The following KCNQ1OT1 variants were observed in gnomAD, a reference collection of about 807,000 sequenced individuals.
The protein encoded by KCNQ1OT1 is KCNQ1 antisense RNA 2 (non-protein coding).
chr11:2,632,071 T>A (rs766163806), exon 1 of KCNQ1OT1: 16 of 394,686 alleles, frequency 4.1e-5, no homozygotes, highest in African/African-American at 1.0e-4. Flanking sequence ...TAGTCCCAGC[T>A]ACTTGGGAGG....
exon 1 of KCNQ1OT1, chr11:2,675,495 A>G (rs1238854220): frequency 1.5e-5 from 6 of 398,596 alleles, no homozygotes; most frequent in Non-Finnish European, 2.7e-5. Context: ...TTCATGAGAC[A>G]TAGCAGTCAC....
At chr11:2,640,523 C>T (rs545157787) in exon 1 of KCNQ1OT1, 50 of 396,564 alleles carry the variant, frequency 1.3e-4, no homozygotes, top group South Asian at 5.2e-4. Flanking sequence ...TGGGCTCAAG[C>T]GATCCTTCTG....
In KCNQ1OT1 at chr11:2,679,463, AG is replaced by A; in HGVS notation, n.20531del. On this transcript the variant is annotated non_coding_transcript_exon_variant, in exon 1 of 1. Coordinates refer to ENST00000597346, the Ensembl canonical transcript of KCNQ1OT1. This position sits in a 1 kb window ranked among gnomAD's most constrained non-coding sequence, Gnocchi z 4.8. ...AGGATTACACAAATTAATAATATAA[AG>A]TATGCAGAAAAGTGCCTGTCCTATA... 1 of 398,636 alleles carries A rather than the reference AG, an allele frequency of 2.5e-6. No homozygotes were observed. Among genetic ancestry groups the A allele is most frequent in the Non-Finnish European group, 4.4e-6 (1 of 226,060 alleles). The allele number at this position is 398,636 out of a possible 1,614,324, so 24.7% of individuals were successfully genotyped here.
exon 1 of KCNQ1OT1, chr11:2,622,706 G>T (rs1428656427): frequency 1.3e-5 from 5 of 398,392 alleles, no homozygotes; most frequent in Admixed American, 4.4e-5. Flanking sequence ...ATGTGTGTAT[G>T]TGTATTTTAA....
Position 2,658,601 on chromosome 11 carries a change from T to C in KCNQ1OT1, n.41394A>G, listed in dbSNP as rs1408184157. The C allele has an allele frequency of 5.0e-6, 2 of 398,330 alleles. No individual in the cohort carries two copies. The highest frequency in any genetic ancestry group is 1.3e-4 in the South Asian group (1 of 7,842). The allele number at this position is 398,330 out of a possible 1,614,324, so 24.7% of individuals were successfully genotyped here. A position where few individuals can be genotyped will look rare whatever the true frequency, so the allele number is the denominator to read the frequency against. On this transcript the variant is annotated non_coding_transcript_exon_variant, in exon 1 of 1. Coordinates refer to ENST00000597346, the Ensembl canonical transcript of KCNQ1OT1. This position sits in a 1 kb window ranked among gnomAD's most constrained non-coding sequence, Gnocchi z 4.9. ...GAGCCCTGGCTCCCTGGAGAATGAA[T>C]AGAAAACCTGGATCTAGGCACGGGG...
Position 2,676,472 on chromosome 11 carries a change from A to C in KCNQ1OT1, n.23523T>G, listed in dbSNP as rs1850296621. ...CTGTTCTGCTCAGATTGTTAGCTGT[A>C]GTCTTTCTGGCATCAGTTCCATTTC... On this transcript the variant is annotated non_coding_transcript_exon_variant, in exon 1 of 1. Coordinates refer to ENST00000597346, the Ensembl canonical transcript of KCNQ1OT1. This position sits in a 1 kb window ranked among gnomAD's most constrained non-coding sequence, Gnocchi z 4.2. The C allele has an allele frequency of 2.5e-5, 10 of 398,694 alleles. No homozygotes were observed. In the East Asian group the frequency reaches 3.6e-4, roughly 14 times the overall value. 24.7% of individuals were successfully genotyped at this position (398,694 alleles called of 1,614,324 possible).
rs995607770 is a variant in KCNQ1OT1, at chr11:2,682,290, C to T, written n.17705G>A. The T allele has an allele frequency of 5.0e-6, 2 of 398,464 alleles. No individual in the cohort carries two copies. The highest frequency in any genetic ancestry group is 2.1e-5 in the African/African-American group (1 of 48,606). The allele number at this position is 398,464 out of a possible 1,614,324, so 24.7% of individuals were successfully genotyped here. On this transcript the variant is annotated non_coding_transcript_exon_variant, in exon 1 of 1. Transcript: ENST00000597346. This position sits in a 1 kb window ranked among gnomAD's most constrained non-coding sequence, Gnocchi z 5.8. ...AGCTTAAGACTGGGCTGTAAAAAAT[C>T]ACATACCTCCCCTCCCATTCTTAAT... is the stretch of plus-strand genomic sequence containing the variant.
chr11:2,629,859 C>T (rs966283154), exon 1 of KCNQ1OT1: 2 of 397,876 alleles, frequency 5.0e-6, no homozygotes, highest in Non-Finnish European at 8.9e-6. Flanking sequence ...TATATGATGT[C>T]ATCTGCAAAC....
In KCNQ1OT1 at chr11:2,691,871, G is replaced by A. The variant is rs988976141; in HGVS notation, n.8124C>T. 7.5e-6 allele frequency: 3 copies of A among 398,610 alleles called. No individual in the cohort carries two copies. Among genetic ancestry groups the A allele is most frequent in the East Asian group, 7.1e-5 (2 of 28,086 alleles). 24.7% of individuals were successfully genotyped at this position (398,610 alleles called of 1,614,324 possible). On this transcript the variant is annotated non_coding_transcript_exon_variant, in exon 1 of 1. Transcript: ENST00000597346. The surrounding 1 kb of genome is among the most constrained non-coding windows in gnomAD (Gnocchi z 6.4). ...CTAGGTCCTCTTTTCCATCCCTCCAGTTCTCCTGGCTTTCTTGCCATCTTT... is the reference window on the plus strand; with the variant it reads ...CTAGGTCCTCTTTTCCATCCCTCCAATTCTCCTGGCTTTCTTGCCATCTTT...
exon 1 of KCNQ1OT1, chr11:2,648,995 T>C (rs2133840281): frequency 7.6e-6 from 3 of 394,214 alleles, no homozygotes; most frequent in South Asian, 2.6e-4. Flanking sequence ...TTTTTTTTTT[T>C]TTTTTTTTTG....
chr11:2,637,283 A>G (rs1849487273), exon 1 of KCNQ1OT1: 1 of 152,080 alleles, frequency 6.6e-6, no homozygotes, highest in South Asian at 2.1e-4. Context: ...TAGGGCATCA[A>G]TTTTAGATTT....
exon 1 of KCNQ1OT1, chr11:2,610,715 GCT>G (rs1848965705): frequency 6.0e-6 from 2 of 332,332 alleles, no homozygotes; most frequent in East Asian, 4.1e-5. Context: ...TTCTTGGTTG[GCT>G]TTTTTTTTTT....
At chr11:2,699,261 C>A in exon 1 of KCNQ1OT1, 1 of 398,816 alleles carries the variant, frequency 2.5e-6, no homozygotes, top group Non-Finnish European at 4.4e-6. Flanking sequence ...GATGGGAGCG[C>A]ACTGCCCAGG....
In KCNQ1OT1 at chr11:2,698,415, G is replaced by A. The variant is rs1850714409; in HGVS notation, n.1580C>T. ...GGTACTGGGATCTGAACATAGTGGTGGCCCTTCAAGCCTACTACCCAGACT... is the reference window on the plus strand; with the variant it reads ...GGTACTGGGATCTGAACATAGTGGTAGCCCTTCAAGCCTACTACCCAGACT... On this transcript the variant is annotated non_coding_transcript_exon_variant, in exon 1 of 1. Transcript: ENST00000597346. This position sits in a 1 kb window ranked among gnomAD's most constrained non-coding sequence, Gnocchi z 5.1. 2.5e-6 allele frequency: 1 copy of A among 392,766 alleles called. No individual in the cohort carries two copies. Among genetic ancestry groups the A allele is most frequent in the South Asian group, 1.4e-4 (1 of 7,384 alleles). The allele number at this position is 392,766 out of a possible 1,614,324, so 24.3% of individuals were successfully genotyped here.
exon 1 of KCNQ1OT1, chr11:2,686,768 C>A: frequency 2.5e-6 from 1 of 398,662 alleles, no homozygotes; most frequent in Non-Finnish European, 4.4e-6. Flanking sequence ...AATGTGCATC[C>A]CCTGTGATAC....
In KCNQ1OT1 at chr11:2,687,782, A is replaced by G; in HGVS notation, n.12213T>C. On this transcript the variant is annotated non_coding_transcript_exon_variant, in exon 1 of 1. Transcript: ENST00000597346. The surrounding 1 kb of genome is among the most constrained non-coding windows in gnomAD (Gnocchi z 5.0). ...GGAGCCCCTTAGCAGGCCTAACCAC[A>G]CCCCTAAGCCACCCAGCCTGGCCCC... 1 of 398,376 alleles carries G rather than the reference A, an allele frequency of 2.5e-6. No homozygotes were observed. Among genetic ancestry groups the G allele is most frequent in the Non-Finnish European group, 4.4e-6 (1 of 226,100 alleles). The allele number at this position is 398,376 out of a possible 1,614,324, so 24.7% of individuals were successfully genotyped here.
exon 1 of KCNQ1OT1, chr11:2,684,042 C>T: frequency 2.5e-6 from 1 of 398,504 alleles, no homozygotes; most frequent in East Asian, 3.6e-5. Context: ...CATCCTCCCC[C>T]TTTATCAAGA....
rs1849089077 is a variant in KCNQ1OT1 at position 2,617,646 on chromosome 11, T to A, written n.82349A>T. On this transcript the variant is annotated non_coding_transcript_exon_variant, in exon 1 of 1. Coordinates refer to ENST00000597346, the Ensembl canonical transcript of KCNQ1OT1. The surrounding 1 kb of genome is among the most constrained non-coding windows in gnomAD (Gnocchi z 4.6). ...TCTTTAGGAGCCACCATTCTGTTTT[T>A]CATTATGACTGCACCAATCTACAGT... is the stretch of plus-strand genomic sequence containing the variant. The A allele has an allele frequency of 7.5e-6, 3 of 398,310 alleles. No individual in the cohort carries two copies. In the Admixed American group the frequency reaches 1.3e-4, roughly 18 times the overall value. The allele number at this position is 398,310 out of a possible 1,614,324, so 24.7% of individuals were successfully genotyped here. A position where few individuals can be genotyped will look rare whatever the true frequency, so the allele number is the denominator to read the frequency against.
chr11:2,631,921 G>A (rs977642770), exon 1 of KCNQ1OT1: 27 of 397,154 alleles, frequency 6.8e-5, no homozygotes, highest in South Asian at 1.4e-4. Flanking sequence ...AGTGGCTCAC[G>A]CCTGTAATCC....
Sources: allele counts gnomAD v4.1 joint callset, GRCh38; gene constraint gnomAD v4.1.1; non-coding constraint Gnocchi (gnomAD v3.1); transcripts MANE v1.5; gene names NCBI Gene and HGNC (gene_info 2026-07-23, HGNC 2026-07-21).